LUZP2: variants seen among roughly 807,000 people sequenced by gnomAD.
The protein encoded by LUZP2 is leucine zipper protein 2.
Under a neutral mutation model 51.6 loss-of-function variants are expected in LUZP2, and 52 were observed. The observed-to-expected ratio is 1.01, with a 90% confidence interval of 0.81 to 1.27. LUZP2 has a LOEUF of 1.27. Ranked by LOEUF, LUZP2 falls within the 50% of genes most tolerant of loss-of-function variation. LUZP2 has a pLI of 0.00. For synonymous variants in LUZP2, 154 were observed against 137.3 expected, an observed-to-expected ratio of 1.12 and a Z score of -0.85; for missense variants, 436 against 395.4, an observed-to-expected ratio of 1.10 and a Z score of -0.87.
intron 7 of LUZP2, among the ~76,000 whole-genome samples, chr11:24,953,399 C>T (rs1479122111): frequency 1.3e-5 from 2 of 151,910 alleles, no homozygotes; most frequent in Admixed American, 1.3e-4. Flanking sequence ...ATCCCGACAT[C>T]TACAAAATTT....
At position 24,805,149 on chromosome 11, in the gene LUZP2, TG is replaced by T. The variant is rs568541256; in HGVS notation, c.396+41843del. On this transcript the variant is annotated intron_variant, in intron 5 of 11. Coordinates refer to ENST00000336930, the MANE Select transcript of LUZP2 (RefSeq NM_001009909.4). ...CATGACTGGAGAGGCCTCACAATCA[TG>T]GCAGAAGGCAAGGAGGAGCAAGTCA... 2.0e-4 allele frequency among the ~76,000 whole-genome samples: 31 copies of T among 152,138 alleles called. No individual in the cohort carries two copies. The East Asian group carries it at 2.1e-3, about 10-fold the overall frequency.
At chr11:25,066,614 G>A (rs76187334) in intron 10 of LUZP2, among the ~76,000 whole-genome samples, 2 of 151,794 alleles carry the variant, frequency 1.3e-5, no homozygotes, top group Non-Finnish European at 2.9e-5. Flanking sequence ...TCACATATTT[G>A]TGTGGGGGAG....
intron 10 of LUZP2, among the ~76,000 whole-genome samples, chr11:25,060,024 A>G (rs2134037672): frequency 6.6e-6 from 1 of 152,282 alleles, no homozygotes; most frequent in South Asian, 2.1e-4. Flanking sequence ...TTAAAAATGT[A>G]ATCAACTCTT....
intron 1 of LUZP2, among the ~76,000 whole-genome samples, chr11:24,525,544 C>A (rs1440151766): frequency 6.6e-6 from 1 of 151,384 alleles, no homozygotes; most frequent in African/African-American, 2.4e-5. Context: ...TAGGTAGGAT[C>A]AGATTAAAGT....
intron 7 of LUZP2, among the ~76,000 whole-genome samples, chr11:24,961,260 G>T (rs1855391634): frequency 6.6e-6 from 1 of 152,148 alleles, no homozygotes; most frequent in Non-Finnish European, 1.5e-5. Context: ...ATGTCTATTA[G>T]GTCCGCTTGG....
intron 2 of LUZP2, among the ~76,000 whole-genome samples, chr11:24,730,983 AT>A (rs1858692073): frequency 6.6e-6 from 1 of 151,530 alleles, no homozygotes; most frequent in African/African-American, 2.4e-5. Context: ...GTGAATGATT[AT>A]TTTTTTTACA....
intron 5 of LUZP2, among the ~76,000 whole-genome samples, chr11:24,899,759 C>T (rs1853216293): frequency 6.6e-6 from 1 of 152,080 alleles, no homozygotes; most frequent in South Asian, 2.1e-4. Flanking sequence ...CATAACAATT[C>T]TTAAATTTGT....
chr11:24,829,570 G>A (rs1289992490), intron 5 of LUZP2, among the ~76,000 whole-genome samples: 1 of 152,060 alleles, frequency 6.6e-6, no homozygotes, highest in Non-Finnish European at 1.5e-5. Flanking sequence ...GCACAAAGAG[G>A]GTTAAAGCTG....
intron 9 of LUZP2, among the ~76,000 whole-genome samples, chr11:25,004,171 C>A (rs952142419): frequency 6.6e-6 from 1 of 152,170 alleles, no homozygotes; most frequent in African/African-American, 2.4e-5. Context: ...TGGTTGGGGG[C>A]TGCTGACCCA....
chr11:24,624,942 GA>G (rs1314655578), intron 1 of LUZP2, among the ~76,000 whole-genome samples: 6 of 152,080 alleles, frequency 3.9e-5, no homozygotes, highest in Admixed American at 1.3e-4. Context: ...GAGGATAGGA[GA>G]AAAAGAATAA....
intron 1 of LUZP2, among the ~76,000 whole-genome samples, chr11:24,636,104 T>C (rs554141081): frequency 7.9e-5 from 12 of 152,242 alleles, no homozygotes; most frequent in Admixed American, 7.2e-4. Flanking sequence ...GTGGGGTTTG[T>C]CTGGGAACCA....
At chr11:24,880,242 T>C (rs12273099) in intron 5 of LUZP2, among the ~76,000 whole-genome samples, 73,942 of 151,996 alleles carry the variant, frequency 0.49, 18,456 homozygotes, top group East Asian at 0.69. Flanking sequence ...ACACTGAGTT[T>C]AGTGCATTGT....
chr11:25,052,781 A>G (rs1273755933), intron 10 of LUZP2, among the ~76,000 whole-genome samples: 1 of 151,212 alleles, frequency 6.6e-6, no homozygotes, highest in Non-Finnish European at 1.5e-5. Flanking sequence ...TCACAAAATA[A>G]AATTCTTTAT....
chr11:24,634,734 T>A (rs114522470), intron 1 of LUZP2, among the ~76,000 whole-genome samples: 1,537 of 152,198 alleles, frequency 0.01, 21 homozygotes, highest in African/African-American at 0.035. Context: ...GTCAAGGCAT[T>A]TGAGTTTGCA....
chr11:24,981,636 C>A (rs1856033904), intron 8 of LUZP2, among the ~76,000 whole-genome samples: 1 of 151,842 alleles, frequency 6.6e-6, no homozygotes, highest in African/African-American at 2.4e-5. Flanking sequence ...TGTTACCTAA[C>A]AAGGCCCAGA....
At chr11:24,591,156 C>A (rs892522194) in intron 1 of LUZP2, among the ~76,000 whole-genome samples, 1 of 152,072 alleles carries the variant, frequency 6.6e-6, no homozygotes, top group Non-Finnish European at 1.5e-5. Context: ...AAAACAATAT[C>A]CTTAGTTCTT....
chr11:25,032,342 A>G (rs1857713616), intron 9 of LUZP2, among the ~76,000 whole-genome samples: 1 of 152,174 alleles, frequency 6.6e-6, no homozygotes, highest in Non-Finnish European at 1.5e-5. Context: ...CGCTGGTATG[A>G]CAACAAATTT....
At chr11:24,717,656 C>G (rs547528251) in intron 1 of LUZP2, among the ~76,000 whole-genome samples, 1 of 151,908 alleles carries the variant, frequency 6.6e-6, no homozygotes, top group Non-Finnish European at 1.5e-5. Context: ...ACCTCGTGAT[C>G]CACCTGCCTC....
At chr11:24,748,730 T>A (rs995987948) in intron 4 of LUZP2, among the ~76,000 whole-genome samples, 1 of 152,160 alleles carries the variant, frequency 6.6e-6, no homozygotes, top group African/African-American at 2.4e-5. Flanking sequence ...GTGCTGGGAT[T>A]ATAGGTATGA....
Sources: allele counts gnomAD v4.1 joint callset (sites outside exome capture counted in the v4.1 genomes callset), GRCh38; gene constraint gnomAD v4.1.1; transcripts MANE v1.5; gene names NCBI Gene and HGNC (gene_info 2026-07-23, HGNC 2026-07-21).